SUFU: variants seen among roughly 807,000 people sequenced by gnomAD.
SUFU encodes the protein SUFU negative regulator of hedgehog signaling.
In SUFU, 7 loss-of-function variants were observed where a neutral mutation model predicts 58.9. That is an observed-to-expected ratio of 0.12 (90% confidence interval 0.07 to 0.22). The LOEUF is 0.22. Among genes scored for constraint, SUFU ranks in the 10% least tolerant of loss-of-function variants. The pLI is 1.00. For missense variants in SUFU, 451 were observed against 641.3 expected (o/e 0.70, Z 3.20); for synonymous variants, 232 against 254.8 (o/e 0.91, Z 0.85).
At chr10:102,515,131 C>T (rs2062450930) in intron 2 of SUFU, among the ~76,000 whole-genome samples, 1 of 152,180 alleles carries the variant, frequency 6.6e-6, no homozygotes, top group Non-Finnish European at 1.5e-5. Flanking sequence ...GGGGCTGCCT[C>T]CACCCGGTTG....
At chr10:102,504,713 G>A (rs1405377578) in intron 1 of SUFU, among the ~76,000 whole-genome samples, 2 of 151,474 alleles carry the variant, frequency 1.3e-5, no homozygotes, top group African/African-American at 4.9e-5. Flanking sequence ...TGGGAGAGGC[G>A]AGGCGGGGCC....
intron 3 of SUFU, among the ~76,000 whole-genome samples, chr10:102,568,874 CAA>C (rs59877393): frequency 0.045 from 658 of 14,544 alleles, 33 homozygotes; most frequent in South Asian, 0.12. Context: ...AACTCTGTCT[CAA>C]AAAAAAAAAA....
chr10:102,520,863 T>C (rs2062543221), intron 2 of SUFU, among the ~76,000 whole-genome samples: 1 of 152,262 alleles, frequency 6.6e-6, no homozygotes, highest in Admixed American at 6.5e-5. Context: ...GTTTATTCTT[T>C]CACCTTTTGA....
intron 3 of SUFU, among the ~76,000 whole-genome samples, chr10:102,578,626 T>C (rs2063240041): frequency 6.6e-6 from 1 of 150,794 alleles, no homozygotes; most frequent in Non-Finnish European, 1.5e-5. Flanking sequence ...GAGAACTGCT[T>C]GGACCTGTGA....
chr10:102,528,838 G>A (rs1187762071), intron 2 of SUFU, among the ~76,000 whole-genome samples: 2 of 152,294 alleles, frequency 1.3e-5, no homozygotes, highest in East Asian at 3.9e-4. Context: ...TTGGGGTATA[G>A]CGCAAAGAAA....
chr10:102,606,039 G>A (rs1212545417), intron 8 of SUFU, among the ~76,000 whole-genome samples: 1 of 152,220 alleles, frequency 6.6e-6, no homozygotes, highest in Admixed American at 6.5e-5. Flanking sequence ...CCCTTTAGGC[G>A]AATGTGAAAA....
At chr10:102,569,400 T>G (rs953567652) in intron 3 of SUFU, among the ~76,000 whole-genome samples, 24 of 152,252 alleles carry the variant, frequency 1.6e-4, no homozygotes, top group African/African-American at 5.8e-4. Flanking sequence ...CTGGCCGTAT[T>G]CCAACATTAA....
At chr10:102,538,651 A>C (rs1215726455) in intron 2 of SUFU, among the ~76,000 whole-genome samples, 1 of 152,290 alleles carries the variant, frequency 6.6e-6, no homozygotes. Context: ...ACATGTATGC[A>C]GCCTCTCCCG....
chr10:102,526,804 G>C (rs2062613030), intron 2 of SUFU, among the ~76,000 whole-genome samples: 1 of 151,978 alleles, frequency 6.6e-6, no homozygotes, highest in Non-Finnish European at 1.5e-5. Context: ...TCCTGATGAA[G>C]GTCCTAGGCA....
rs370141801 is a variant in SUFU at position 102,549,935 on chromosome 10, T to C, written c.318-35T>C. ...CAAGAGAGTGTTTTTCCTAAGGTAA[T>C]TGAGCTTAAAACACTTGCTTTTTAT... On this transcript the variant is annotated intron_variant, in intron 2 of 11. Coordinates refer to ENST00000369902, the MANE Select transcript of SUFU (RefSeq NM_016169.4). 10 of 1,613,800 alleles carry C rather than the reference T, an allele frequency of 6.2e-6. No individual in the cohort carries two copies. In the African/African-American group the frequency reaches 8.0e-5, roughly 13 times the overall value.
intron 11 of SUFU, among the ~76,000 whole-genome samples, chr10:102,627,658 G>T (rs2063798148): frequency 6.6e-6 from 1 of 152,188 alleles, no homozygotes; most frequent in Non-Finnish European, 1.5e-5. Flanking sequence ...GGGAGTTCTG[G>T]TGGGCAGCAA....
intron 2 of SUFU, among the ~76,000 whole-genome samples, chr10:102,525,317 C>T (rs2062597698): frequency 1.3e-5 from 2 of 151,924 alleles, no homozygotes; most frequent in South Asian, 4.2e-4. Flanking sequence ...GCCATGTTGG[C>T]CAGGCTGGCC....
intron 10 of SUFU, among the ~76,000 whole-genome samples, chr10:102,624,367 C>T (rs2063768165): frequency 6.6e-6 from 1 of 152,222 alleles, no homozygotes; most frequent in Non-Finnish European, 1.5e-5. Flanking sequence ...CTGAAATATA[C>T]AAAGAACAGG....
At chr10:102,545,994 G>A (rs2062851003) in intron 2 of SUFU, among the ~76,000 whole-genome samples, 1 of 152,148 alleles carries the variant, frequency 6.6e-6, no homozygotes, top group African/African-American at 2.4e-5. Context: ...AAATAATGGT[G>A]TTGAGCATGA....
chr10:102,522,951 A>G (rs547285859), intron 2 of SUFU, among the ~76,000 whole-genome samples: 117 of 152,270 alleles, frequency 7.7e-4, no homozygotes, highest in African/African-American at 2.8e-3. Context: ...GCCTTAGGTT[A>G]TCACCTGGTG....
intron 3 of SUFU, among the ~76,000 whole-genome samples, chr10:102,580,511 G>T (rs2063266200): frequency 6.6e-6 from 1 of 152,138 alleles, no homozygotes; most frequent in African/African-American, 2.4e-5. Context: ...ATGGAGCCGG[G>T]TAGGCAGGGA....
rs1256959985 is a variant in SUFU, at chr10:102,615,377, G to A, written c.1132G>A (p.Gly378Arg). The A allele has an allele frequency of 1.2e-6, 2 of 1,614,070 alleles. No homozygotes were observed. The highest frequency in any genetic ancestry group is 1.7e-6 in the Non-Finnish European group (2 of 1,179,980). Residue 378 changes from glycine to arginine, a missense_variant, in exon 9 of 12, where the codon GGA (glycine) becomes AGA (arginine). Physicochemically the swap from Gly to Arg is moderately radical, Grantham distance 125. Transcript: ENST00000369902. ...ACATCTGAAATTCAACCAGGAGTCCGGAGCCCTCATTCCTCTCTGCCTAAG... is the reference window on the plus strand; with the variant it reads ...ACATCTGAAATTCAACCAGGAGTCCAGAGCCCTCATTCCTCTCTGCCTAAG... ...SVHLKFNQES[G>R]ALIPLCLRGR...
At chr10:102,546,338 C>T (rs554797194) in intron 2 of SUFU, among the ~76,000 whole-genome samples, 5 of 152,330 alleles carry the variant, frequency 3.3e-5, no homozygotes, top group African/African-American at 1.2e-4. Context: ...CCCACTCTGC[C>T]AGCCTGGGAA....
At chr10:102,552,857 G>A (rs530766317) in intron 3 of SUFU, among the ~76,000 whole-genome samples, 1 of 152,356 alleles carries the variant, frequency 6.6e-6, no homozygotes, top group South Asian at 2.1e-4. Flanking sequence ...TTAACAACTT[G>A]TGAAGCTGGG....
Sources: allele counts gnomAD v4.1 joint callset (sites outside exome capture counted in the v4.1 genomes callset), GRCh38; gene constraint gnomAD v4.1.1; transcripts MANE v1.5; gene names NCBI Gene and HGNC (gene_info 2026-07-23, HGNC 2026-07-21).